AK7: variants seen among roughly 807,000 people sequenced by gnomAD.
AK7 encodes the protein ATP-AMP transphosphorylase 7.
A neutral mutation model predicts 96.6 loss-of-function variants in AK7; 78 were observed. That is an observed-to-expected ratio of 0.81 (90% CI 0.67 to 0.97). AK7 has a LOEUF of 0.97. Ranked by LOEUF, AK7 falls within the 50% of genes least tolerant of loss-of-function variation. The pLI is 0.00. For synonymous variants in AK7, 302 were observed against 317.2 expected, an observed-to-expected ratio of 0.95 and a Z score of 0.51; for missense variants, 855 against 887.9, an observed-to-expected ratio of 0.96 and a Z score of 0.47.
Position 96,488,582 on chromosome 14 carries a change from T to C in AK7, c.*239T>C, listed in dbSNP as rs911759256. ...ATAGCTCATGAGACAAATACTGATT[T>C]AATATTTTATTCTTTAGTCAGATCT... On this transcript the variant is annotated 3_prime_UTR_variant, in exon 18 of 18. Transcript: ENST00000267584. The C allele has an allele frequency of 4.9e-6, 2 of 406,450 alleles. No homozygotes were observed. The highest frequency in any genetic ancestry group is 2.0e-5 in the African/African-American group (1 of 49,970). 25.2% of individuals were successfully genotyped at this position (406,450 alleles called of 1,614,324 possible).
intron 12 of AK7, among the ~76,000 whole-genome samples, chr14:96,465,842 T>C (rs1024066010): frequency 1.3e-5 from 2 of 151,712 alleles, no homozygotes; most frequent in African/African-American, 4.8e-5. Flanking sequence ...AAACCCTGTC[T>C]CTACTAAAAA....
chr14:96,486,465 C>A (rs1025014387), intron 16 of AK7, among the ~76,000 whole-genome samples: 1 of 152,128 alleles, frequency 6.6e-6, no homozygotes, highest in Non-Finnish European at 1.5e-5. Flanking sequence ...TGGCCAGGAG[C>A]TGGCTGGATG....
chr14:96,487,042 C>G lies in AK7; in HGVS notation c.2119C>G (p.Pro707Ala). The change falls in exon 17 of 18, where the codon CCT becomes GCT. Residue 707 changes from proline (P) to alanine (A), a missense_variant. By Grantham distance (27) the Pro-to-Ala change is conservative. Transcript: ENST00000267584. The part of the protein sequence containing the change: ...NECCNVRPED[P>A]VDFLAEYLFK... ...ATGTTGCAACGTCCGACCCGAAGACCCTGTTGATTTTCTGGTAACATATTT... is the reference window on the plus strand; with the variant it reads ...ATGTTGCAACGTCCGACCCGAAGACGCTGTTGATTTTCTGGTAACATATTT... 6.2e-7 allele frequency: 1 copy of G among 1,613,740 alleles called. No individual in the cohort carries two copies. The highest frequency in any genetic ancestry group is 2.2e-5 in the East Asian group (1 of 44,846).
rs767851012 is a variant in AK7, at chr14:96,478,591, G to C, written c.1682G>C (p.Arg561Pro). ...DRFLRALSNYRDINIDDETVF... is the reference protein window; with the variant it reads ...DRFLRALSNYPDINIDDETVF... ...TTCCTCCGGGCTCTGAGCAACTACC[G>C]GGACATCAATATCGACGATGAGACT... is the stretch of plus-strand genomic sequence containing the variant. The change falls in exon 15 of 18, where the codon CGG becomes CCG. Residue 561 changes from arginine to proline, a missense_variant. Transcript: ENST00000267584. 2.0e-5 allele frequency: 33 copies of C among 1,614,028 alleles called. No homozygotes were observed. Among genetic ancestry groups the C allele is most frequent in the Non-Finnish European group, 2.8e-5 (33 of 1,180,042 alleles).
intron 12 of AK7, among the ~76,000 whole-genome samples, chr14:96,468,898 AT>A (rs1894732764): frequency 6.6e-6 from 1 of 151,582 alleles, no homozygotes; most frequent in African/African-American, 2.4e-5. Flanking sequence ...GTGCTCATTC[AT>A]TTTCAAACAG....
intron 4 of AK7, among the ~76,000 whole-genome samples, chr14:96,417,793 A>G (rs1003576586): frequency 2.0e-5 from 3 of 152,174 alleles, no homozygotes; most frequent in African/African-American, 7.2e-5. Flanking sequence ...ACTCTGATAT[A>G]TCAATAAAAA....
chr14:96,483,649 C>T (rs577113057), intron 16 of AK7, among the ~76,000 whole-genome samples: 1 of 152,176 alleles, frequency 6.6e-6, no homozygotes, highest in Admixed American at 6.5e-5. Flanking sequence ...TGATCTCAAA[C>T]TCCTAATCTC....
intron 9 of AK7, among the ~76,000 whole-genome samples, chr14:96,450,868 G>A (rs920754160): frequency 3.4e-5 from 5 of 145,102 alleles, no homozygotes; most frequent in East Asian, 4.2e-4. Flanking sequence ...TCCACCTCCC[G>A]GGTTCACGCC....
intron 7 of AK7, 72 bp downstream of exon 7, chr14:96,442,890 G>C (rs1893035548): frequency 7.1e-7 from 1 of 1,400,312 alleles, no homozygotes; most frequent in African/African-American, 1.4e-5. Context: ...AATACTTTTT[G>C]AGCATTTGCC....
chr14:96,447,267 A>G (rs1251242697), intron 8 of AK7, among the ~76,000 whole-genome samples: 4 of 152,190 alleles, frequency 2.6e-5, no homozygotes, highest in Non-Finnish European at 5.9e-5. Context: ...AGGTTCACCA[A>G]CCTACTGGCC....
At position 96,408,880 on chromosome 14, in the gene AK7, G is replaced by C; in HGVS notation, c.437G>C (p.Arg146Pro). The C allele has an allele frequency of 6.2e-7, 1 of 1,614,232 alleles. No homozygotes were observed. The highest frequency in any genetic ancestry group is 8.5e-7 in the Non-Finnish European group (1 of 1,180,046). ...GAAGAAGTCAGCCACTTTGAAAAGC[G>C]AAAGCTATTTATTTTACTGTCGACG... ...LSEEVSHFEK[R>P]KLFILLSTVM... Residue 146 changes from arginine (R) to proline (P), a missense_variant, in exon 4 of 18, where the codon CGA becomes CCA. Coordinates refer to ENST00000267584, the MANE Select transcript of AK7 (RefSeq NM_152327.5).
chr14:96,480,506 G>A (rs1414904537), intron 15 of AK7, among the ~76,000 whole-genome samples: 4 of 152,108 alleles, frequency 2.6e-5, no homozygotes, highest in Non-Finnish European at 4.4e-5. Context: ...AGCAGTGACT[G>A]GGTTTTGTCC....
intron 4 of AK7, among the ~76,000 whole-genome samples, chr14:96,418,393 A>G (rs977392395): frequency 2.0e-5 from 3 of 149,002 alleles, no homozygotes; most frequent in Non-Finnish European, 1.5e-5. Context: ...TGAACTCCTC[A>G]GTGTGGCTCA....
At chr14:96,409,005 T>A in intron 4 of AK7, 64 bp downstream of exon 4, 1 of 1,524,558 alleles carries the variant, frequency 6.6e-7, no homozygotes, top group Non-Finnish European at 9.0e-7. Context: ...AATCTGTGTG[T>A]GGAGGGAACT....
intron 12 of AK7, among the ~76,000 whole-genome samples, chr14:96,467,713 C>T (rs553753282): frequency 6.6e-6 from 1 of 152,260 alleles, no homozygotes; most frequent in Admixed American, 6.5e-5. Context: ...ATCCAAATAT[C>T]AAACTGCCTG....
intron 3 of AK7, among the ~76,000 whole-genome samples, chr14:96,406,340 C>T (rs1291296672): frequency 2.0e-5 from 3 of 152,194 alleles, no homozygotes; most frequent in Admixed American, 2.0e-4. Context: ...ACCACCCTCT[C>T]CCCCTCAAGG....
chr14:96,479,962 A>G (rs796502618), intron 15 of AK7, among the ~76,000 whole-genome samples: 11 of 152,232 alleles, frequency 7.2e-5, no homozygotes, highest in Middle Eastern at 3.4e-3. Context: ...GCTAATTCCA[A>G]TTGTGGCTGG....
intron 5 of AK7, among the ~76,000 whole-genome samples, chr14:96,436,367 G>A (rs1453497351): frequency 2.6e-5 from 4 of 152,076 alleles, no homozygotes; most frequent in South Asian, 2.1e-4. Context: ...CCTGTAGGCC[G>A]GGCGCAGTGG....
At chr14:96,463,800 G>T (rs1894405465) in intron 12 of AK7, among the ~76,000 whole-genome samples, 1 of 151,702 alleles carries the variant, frequency 6.6e-6, no homozygotes. Context: ...ATTAACTGAG[G>T]TAACACAATG....
Sources: allele counts gnomAD v4.1 joint callset (sites outside exome capture counted in the v4.1 genomes callset), GRCh38; gene constraint gnomAD v4.1.1; transcripts MANE v1.5; gene names NCBI Gene and HGNC (gene_info 2026-07-23, HGNC 2026-07-21).